The following ARHGAP32 variants were observed in gnomAD, a reference collection of about 807,000 sequenced individuals.
ARHGAP32 encodes the protein rho GTPase-activating protein 32.
ARHGAP32 carries 51 observed loss-of-function variants against 186.5 expected under a neutral mutation model. The ratio of observed to expected loss-of-function variants is 0.27; its 90% CI spans 0.22 to 0.35. The LOEUF (loss-of-function observed/expected upper bound fraction) is 0.35, where lower values mean the gene tolerates loss of function less well. ARHGAP32 is among the 10% of genes least tolerant of loss of function. The pLI is 1.00. For missense variants in ARHGAP32, 2,186 were observed against 2,623.5 expected, an observed-to-expected ratio of 0.83 and a Z score of 3.64; for synonymous variants, 950 against 964.3, an observed-to-expected ratio of 0.99 and a Z score of 0.27.
intron 1 of ARHGAP32, among the ~76,000 whole-genome samples, chr11:129,245,965 A>G (rs1945091389): frequency 6.6e-6 from 1 of 152,214 alleles, no homozygotes; most frequent in Non-Finnish European, 1.5e-5. Flanking sequence ...ACCTACAAAG[A>G]TATTCACTAA....
chr11:129,089,875 T>C (rs1941524108), intron 6 of ARHGAP32, among the ~76,000 whole-genome samples: 1 of 152,222 alleles, frequency 6.6e-6, no homozygotes, highest in African/African-American at 2.4e-5. Flanking sequence ...GAACAGTCTT[T>C]GCTTATGTCC....
rs769323926 is a variant in ARHGAP32 at position 128,988,229 on chromosome 11, G to T, written c.1196-104C>A. On this transcript the variant is annotated intron_variant, in intron 12 of 22. Coordinates refer to ENST00000682385, the MANE Select transcript of ARHGAP32 (RefSeq NM_001378024.1). ...AGTTTACAAAAGTAAAATAAAATTTGTAAATTAAAGTTAAAAGGAGCAAAA... is the reference window on the plus strand; with the variant it reads ...AGTTTACAAAAGTAAAATAAAATTTTTAAATTAAAGTTAAAAGGAGCAAAA... The T allele has an allele frequency of 4.7e-6, 4 of 844,562 alleles. No individual in the cohort carries two copies. The African/African-American group carries it at 6.9e-5, about 14-fold the overall frequency. The allele number at this position is 844,562 out of a possible 1,614,324, so 52.3% of individuals were successfully genotyped here.
chr11:129,064,013 CT>C lies in ARHGAP32; in HGVS notation c.773del (p.Lys258ArgfsTer35). On this transcript the variant is annotated frameshift_variant, in exon 9 of 23. Coordinates refer to ENST00000682385, the MANE Select transcript of ARHGAP32 (RefSeq NM_001378024.1). LOFTEE classifies it high-confidence loss of function. ...PALTWMEIDN[K>X]GNHLLVHEES... The stretch of plus-strand genomic sequence containing the variant: ...CCTCATGAACCAAAAGGTGATTTCC[CT>C]TATTATCAATCTATCACAAAGAAAA... 6.2e-7 allele frequency: 1 copy of C among 1,607,950 alleles called. No individual in the cohort carries two copies. Among genetic ancestry groups the C allele is most frequent in the Non-Finnish European group, 8.5e-7 (1 of 1,177,718 alleles).
intron 1 of ARHGAP32, among the ~76,000 whole-genome samples, chr11:129,254,978 G>A (rs1945234451): frequency 6.6e-6 from 1 of 152,114 alleles, no homozygotes; most frequent in Non-Finnish European, 1.5e-5. Context: ...ATTAATGCCA[G>A]TATTTCAGTC....
At chr11:128,985,852 G>GTATATATATATATATA (rs1356966729) in intron 15 of ARHGAP32, 151 bp downstream of exon 15, 1 of 129,750 alleles carries the variant, frequency 7.7e-6, no homozygotes. Context: ...GTGTGTGTGT[G>GTATATATATATATATA]TGTGTGTATA....
At chr11:129,192,841 GA>G (rs565515646), upstream of ARHGAP32, among the ~76,000 whole-genome samples, 593 of 152,192 alleles carry the variant, frequency 3.9e-3, 2 homozygotes, top group African/African-American at 0.014. Flanking sequence ...CACAGTCCTT[GA>G]AAGAAAAAAG....
At chr11:129,107,144 G>A (rs1488427629) in intron 5 of ARHGAP32, among the ~76,000 whole-genome samples, 3 of 152,156 alleles carry the variant, frequency 2.0e-5, no homozygotes, top group Non-Finnish European at 4.4e-5. Context: ...GCCAAAAGGT[G>A]GAGGGATGAT....
chr11:129,149,839 G>C (rs1038729164), intron 2 of ARHGAP32, among the ~76,000 whole-genome samples: 4 of 151,932 alleles, frequency 2.6e-5, no homozygotes, highest in African/African-American at 9.7e-5. Flanking sequence ...TGATTGTAAA[G>C]CTAATCAAGA....
chr11:129,209,186 T>C (rs886948609), intron 1 of ARHGAP32, among the ~76,000 whole-genome samples: 3 of 152,152 alleles, frequency 2.0e-5, no homozygotes, highest in African/African-American at 7.2e-5. Flanking sequence ...TAGAGATTTA[T>C]TTTGATAAAC....
At chr11:129,219,046 AAG>A (rs1944680938) in intron 1 of ARHGAP32, among the ~76,000 whole-genome samples, 1 of 152,330 alleles carries the variant, frequency 6.6e-6, no homozygotes, top group African/African-American at 2.4e-5. Context: ...GAGAAAGGGC[AAG>A]AGAGACAGCC....
At chr11:129,114,028 CT>C (rs980398581) in intron 5 of ARHGAP32, among the ~76,000 whole-genome samples, 4 of 152,036 alleles carry the variant, frequency 2.6e-5, no homozygotes, top group Middle Eastern at 3.2e-3. Flanking sequence ...CAGTCATCCC[CT>C]TTTTTCCTAC....
At chr11:129,270,260 G>C (rs1945457627) in intron 1 of ARHGAP32, among the ~76,000 whole-genome samples, 1 of 152,208 alleles carries the variant, frequency 6.6e-6, no homozygotes, top group South Asian at 2.1e-4. Context: ...AAAGAAGCTA[G>C]TCTGAAGAGG....
chr11:129,100,241 G>A (rs1352331085), intron 5 of ARHGAP32, among the ~76,000 whole-genome samples: 3 of 152,196 alleles, frequency 2.0e-5, no homozygotes, highest in African/African-American at 4.8e-5. Flanking sequence ...AAGGGGAACT[G>A]CTAGACCTGA....
At chr11:129,262,068 C>A (rs1053672164) in intron 1 of ARHGAP32, among the ~76,000 whole-genome samples, 1 of 152,002 alleles carries the variant, frequency 6.6e-6, no homozygotes, top group Non-Finnish European at 1.5e-5. Flanking sequence ...AATACGGAAA[C>A]CTGACAAAAT....
At chr11:129,231,554 C>T (rs1305450380) in intron 1 of ARHGAP32, among the ~76,000 whole-genome samples, 1 of 152,150 alleles carries the variant, frequency 6.6e-6, no homozygotes, top group Non-Finnish European at 1.5e-5. Context: ...TGGATTCTAG[C>T]TCTCCGACAT....
intron 5 of ARHGAP32, among the ~76,000 whole-genome samples, chr11:129,107,718 A>C (rs2135325677): frequency 6.6e-6 from 1 of 152,188 alleles, no homozygotes; most frequent in South Asian, 2.1e-4. Context: ...AAAATACAAA[A>C]TTAGCCAGAT....
intron 1 of ARHGAP32, among the ~76,000 whole-genome samples, chr11:129,273,580 G>A (rs1945496102): frequency 6.6e-6 from 1 of 152,030 alleles, no homozygotes; most frequent in African/African-American, 2.4e-5. Context: ...CACTTTTTTG[G>A]TCTGTGTTTG....
At chr11:129,075,131 C>T (rs1312918111) in intron 6 of ARHGAP32, among the ~76,000 whole-genome samples, 3 of 152,110 alleles carry the variant, frequency 2.0e-5, no homozygotes, top group Non-Finnish European at 2.9e-5. Context: ...TAAACAGCAA[C>T]AATGACAGGC....
chr11:129,034,843 A>C (rs1192966972), intron 11 of ARHGAP32, among the ~76,000 whole-genome samples: 1 of 107,618 alleles, frequency 9.3e-6, no homozygotes, highest in Non-Finnish European at 1.9e-5. Flanking sequence ...AAGAAAAAGA[A>C]AACAGAGTAA....
Sources: gnomAD v4.1 joint callset for allele counts (sites outside exome capture counted in the v4.1 genomes callset) on GRCh38, gnomAD v4.1.1 for gene constraint, MANE v1.5 for transcripts, NCBI Gene and HGNC (gene_info 2026-07-23, HGNC 2026-07-21) for gene names.